The following CHN1 variants were observed in gnomAD, a reference collection of about 807,000 sequenced individuals.
CHN1 encodes the protein N-chimaerin.
CHN1 carries 37 observed loss-of-function variants against 59.5 expected under a neutral mutation model. The ratio of observed to expected loss-of-function variants is 0.62; its 90% CI spans 0.48 to 0.82. The LOEUF is 0.82. Ranked by LOEUF, CHN1 falls within the 40% of genes least tolerant of loss-of-function variation. CHN1 has a pLI of 0.00. For missense variants in CHN1, 469 were observed against 571.0 expected, an observed-to-expected ratio of 0.82 and a Z score of 1.82; for synonymous variants, 206 against 200.4, an observed-to-expected ratio of 1.03 and a Z score of -0.24.
intron 1 of CHN1, among the ~76,000 whole-genome samples, chr2:174,953,408 T>G (rs1176885541): frequency 3.3e-5 from 5 of 152,210 alleles, no homozygotes; most frequent in Non-Finnish European, 7.3e-5. Flanking sequence ...GGAAATTGCT[T>G]GGCACCCCAT....
chr2:174,803,352 C>T (rs533382416), intron 11 of CHN1, among the ~76,000 whole-genome samples: 2 of 152,168 alleles, frequency 1.3e-5, no homozygotes, highest in African/African-American at 4.8e-5. Flanking sequence ...TTTACAATCT[C>T]TACCCCAAAT....
At chr2:174,956,989 C>T (rs1404731473) in intron 1 of CHN1, among the ~76,000 whole-genome samples, 2 of 152,130 alleles carry the variant, frequency 1.3e-5, no homozygotes, top group African/African-American at 4.8e-5. Context: ...TTTCATCAAC[C>T]ATTAAATACA....
In CHN1 at chr2:174,951,291, T is replaced by TA. The variant is rs202125176; in HGVS notation, c.58+872dup. ...TAATTAGCCCAAAGTGGCAACCTAT[T>TA]AAAAAAAAAATTATCTGTTCTGAGA... On this transcript the variant is annotated intron_variant, in intron 2 of 12. Transcript: ENST00000409900. 1.3e-4 allele frequency among the ~76,000 whole-genome samples: 20 copies of TA among 150,580 alleles called. No individual in the cohort carries two copies. In the East Asian group the frequency reaches 2.5e-3, roughly 19 times the overall value.
At position 174,811,541 on chromosome 2, in the gene CHN1, T is replaced by A; in HGVS notation, c.934A>T (p.Ile312Phe). The A allele has an allele frequency of 4.3e-6, 7 of 1,612,198 alleles. No homozygotes were observed. The highest frequency in any genetic ancestry group is 5.9e-6 in the Non-Finnish European group (7 of 1,178,840). The change falls in exon 10 of 13, where the codon ATT (isoleucine) becomes TTT (phenylalanine). Residue 312 changes from isoleucine (I) to phenylalanine (F), a missense_variant. By Grantham distance (21) the Ile-to-Phe change is conservative (BLOSUM62 0). Around this residue, in one of 5 missense-constraint regions of CHN1, gnomAD observed 225 missense variants for 289.9 expected, o/e 0.78. Transcript: ENST00000409900. ...TCGAAAGCCATCTTGACATCTTCAA[T>A]TAGGTCACTAAATCCTGATACTCGG... ...LYRVSGFSDLIEDVKMAFDRD... is the reference protein window; with the variant it reads ...LYRVSGFSDLFEDVKMAFDRD...
At chr2:174,815,526 T>C (rs753992861) in intron 8 of CHN1, among the ~76,000 whole-genome samples, 3 of 152,178 alleles carry the variant, frequency 2.0e-5, no homozygotes, top group Non-Finnish European at 2.9e-5. Flanking sequence ...TTAGTTATTA[T>C]ATTTTTCAGT....
chr2:174,849,842 G>C (rs942904600), intron 6 of CHN1, among the ~76,000 whole-genome samples: 2 of 152,172 alleles, frequency 1.3e-5, no homozygotes, highest in African/African-American at 2.4e-5. Flanking sequence ...TAGTAGGTGG[G>C]GGGGCTGGGC....
intron 1 of CHN1, among the ~76,000 whole-genome samples, chr2:174,971,740 G>C (rs1380379459): frequency 6.6e-6 from 1 of 152,186 alleles, no homozygotes; most frequent in African/African-American, 2.4e-5. Flanking sequence ...GCCAGTCCTT[G>C]AACCAAGATC....
chr2:174,958,931 C>A (rs1004499285), intron 1 of CHN1, among the ~76,000 whole-genome samples: 3 of 152,116 alleles, frequency 2.0e-5, no homozygotes, highest in African/African-American at 7.2e-5. Flanking sequence ...TCCATGTACA[C>A]CTGCTCTGTT....
chr2:174,895,715 T>C (rs115025528), intron 5 of CHN1, among the ~76,000 whole-genome samples: 2,040 of 152,196 alleles, frequency 0.013, 39 homozygotes, highest in African/African-American at 0.046. Context: ...AAAAACTGAA[T>C]GGGCCATCCG....
intron 5 of CHN1, among the ~76,000 whole-genome samples, chr2:174,911,580 G>A (rs1169255707): frequency 6.6e-6 from 1 of 152,182 alleles, no homozygotes; most frequent in Non-Finnish European, 1.5e-5. Flanking sequence ...GGCTGAGATG[G>A]GGCATGGAAG....
chr2:174,945,909 CTGTGTG>C (rs10691439), intron 2 of CHN1, among the ~76,000 whole-genome samples: 52 of 149,998 alleles, frequency 3.5e-4, no homozygotes, highest in African/African-American at 8.8e-4. Context: ...CATAATTAGC[CTGTGTG>C]TGTGTGTGTG....
chr2:174,883,164 A>G (rs183747093), intron 5 of CHN1, among the ~76,000 whole-genome samples: 2 of 152,340 alleles, frequency 1.3e-5, no homozygotes, highest in African/African-American at 4.8e-5. Context: ...ACTGATATAG[A>G]AGGATTAACT....
chr2:174,990,386 G>C (rs1415003104), intron 1 of CHN1, among the ~76,000 whole-genome samples: 1 of 151,844 alleles, frequency 6.6e-6, no homozygotes, highest in Non-Finnish European at 1.5e-5. Flanking sequence ...AACACTAAAA[G>C]AGAAAGCAAG....
At chr2:174,839,007 ACT>A (rs1686194125) in intron 7 of CHN1, among the ~76,000 whole-genome samples, 2 of 150,282 alleles carry the variant, frequency 1.3e-5, no homozygotes, top group South Asian at 4.2e-4. Flanking sequence ...ACAGAGTGAG[ACT>A]CTGTCTTAAA....
At chr2:174,879,070 C>T (rs7557528) in intron 5 of CHN1, among the ~76,000 whole-genome samples, 6,322 of 152,098 alleles carry the variant, frequency 0.042, 469 homozygotes, top group African/African-American at 0.14. Context: ...AAGGTAACCC[C>T]GAGTGAGACT....
At chr2:174,828,494 T>C (rs1685767362) in intron 7 of CHN1, among the ~76,000 whole-genome samples, 1 of 152,222 alleles carries the variant, frequency 6.6e-6, no homozygotes, top group East Asian at 1.9e-4. Flanking sequence ...TTGCACAAAT[T>C]GTACAACTTA....
chr2:174,823,614 G>A (rs1685576183), intron 8 of CHN1, among the ~76,000 whole-genome samples: 1 of 151,456 alleles, frequency 6.6e-6, no homozygotes, highest in Non-Finnish European at 1.5e-5. Context: ...AGTGAGCCGA[G>A]ATCGCGCTAC....
intron 5 of CHN1, among the ~76,000 whole-genome samples, chr2:174,897,546 T>C (rs1285802250): frequency 6.6e-6 from 1 of 151,496 alleles, no homozygotes; most frequent in Admixed American, 6.6e-5. Context: ...TACCCCAAAG[T>C]TTAGCTCCAT....
intron 7 of CHN1, among the ~76,000 whole-genome samples, chr2:174,836,372 T>C (rs1686078158): frequency 6.6e-6 from 1 of 152,238 alleles, no homozygotes; most frequent in Non-Finnish European, 1.5e-5. Flanking sequence ...ATTTAGTTTA[T>C]ATTATTGGTT....
Sources: allele counts gnomAD v4.1 joint callset (sites outside exome capture counted in the v4.1 genomes callset), GRCh38; gene constraint gnomAD v4.1.1; regional missense constraint gnomAD v4.1.1; transcripts MANE v1.5; gene names NCBI Gene and HGNC (gene_info 2026-07-23, HGNC 2026-07-21).